The following SDR39U1 variants were observed in gnomAD, a reference collection of about 807,000 sequenced individuals.
SDR39U1 encodes the protein short chain dehydrogenase/reductase family 39U member 1, also known as epimerase family protein SDR39U1.
A neutral mutation model predicts 31.7 loss-of-function variants in SDR39U1; 29 were observed. The observed-to-expected ratio is 0.92, with a 90% CI of 0.68 to 1.25. The LOEUF (loss-of-function observed/expected upper bound fraction) is 1.25. Among genes scored for constraint, SDR39U1 ranks in the 50% most tolerant of loss-of-function variants. The pLI is 0.00. For synonymous variants in SDR39U1, 147 were observed against 159.0 expected, an observed-to-expected ratio of 0.92 and a Z score of 0.57; for missense variants, 403 against 378.4, an observed-to-expected ratio of 1.06 and a Z score of -0.54.
intron 4 of SDR39U1, 119 bp from the exon 5 acceptor site, chr14:24,441,045 G>C (rs1212306187): frequency 9.1e-7 from 1 of 1,093,152 alleles, no homozygotes; most frequent in Admixed American, 2.0e-5. Flanking sequence ...TTTGGAGACA[G>C]AGCCATTTGG....
rs2043328601 is a variant in SDR39U1 at position 24,441,201 on chromosome 14, C to G, written c.329-275G>C. 3.4e-5 allele frequency: 18 copies of G among 534,660 alleles called. No individual in the cohort carries two copies. The South Asian group carries it at 3.6e-4, about 11-fold the overall frequency. 33.1% of individuals were successfully genotyped at this position (534,660 alleles called of 1,614,324 possible). Reference sequence around the variant, plus strand: ...AGGCGCCTGAATTTTAATCAGCTCCCTCATTTATTAACTCTCTGACTTGAT... The same window carrying G: ...AGGCGCCTGAATTTTAATCAGCTCCGTCATTTATTAACTCTCTGACTTGAT... On this transcript the variant is annotated intron_variant, in intron 4 of 5. Coordinates refer to ENST00000399395, the MANE Select transcript of SDR39U1 (RefSeq NM_020195.3).
chr14:24,442,222 G>T lies in SDR39U1; in HGVS notation c.162C>A (p.Ala54=). 6.2e-7 allele frequency: 1 copy of T among 1,612,200 alleles called. No individual in the cohort carries two copies. The change falls in exon 3 of 6, where the codon GCC becomes GCA. Residue 54 remains alanine, a synonymous_variant. Coordinates refer to ENST00000399395, the MANE Select transcript of SDR39U1 (RefSeq NM_020195.3). ...TGTTCTCTCCGGCCAGGTTGACGGC[G>T]GCATCGCAGCTCGGCAGCCCCGATG... ...LAASGLPSCD[A]AVNLAGENIL... is the part of the protein sequence containing the mutation.
chr14:24,440,496 G>C lies in SDR39U1; in HGVS notation c.473-4C>G, dbSNP rs760878730. The stretch of plus-strand genomic sequence containing the variant: ...CCCCCACGGCCCAGCACAACCCCTA[G>C]AGCAGGAAAGAGGGAAGGTACAGGG... On this transcript the variant is annotated splice_region_variant and splice_polypyrimidine_tract_variant and intron_variant, in intron 5 of 5. Transcript: ENST00000399395. 15 of 1,597,766 alleles carry C rather than the reference G, an allele frequency of 9.4e-6. No individual in the cohort carries two copies. In the South Asian group the frequency reaches 1.5e-4, roughly 16 times the overall value.
intron 4 of SDR39U1, 80 bp from the exon 5 acceptor site, chr14:24,441,006 C>T (rs760048869): frequency 1.4e-6 from 2 of 1,453,160 alleles, no homozygotes; most frequent in South Asian, 2.3e-5. Flanking sequence ...CCCTTGGCCT[C>T]ACCTTCTCTG....
chr14:24,442,588 T>A lies in SDR39U1; in HGVS notation c.17-136A>T, dbSNP rs774321525. 2.5e-6 allele frequency: 3 copies of A among 1,212,998 alleles called. No homozygotes were observed. The Admixed American group carries it at 5.2e-5, about 21-fold the overall frequency. 75.1% of individuals were successfully genotyped at this position (1,212,998 alleles called of 1,614,324 possible). A position where few individuals can be genotyped will look rare whatever the true frequency, so the allele number is the denominator to read the frequency against. On this transcript the variant is annotated intron_variant, in intron 1 of 5. Transcript: ENST00000399395. ...TCCCCACTTATCCCCCTCCTCGCGA[T>A]GCAGAGGTGACACAGGTCACAGGGA...
rs758244174 is a variant in SDR39U1 at position 24,440,353 on chromosome 14, A to C, written c.612T>G (p.His204Gln). The part of the protein sequence containing the change: ...HIGDLAGILT[H>Q]ALEANHVHGV... ...CGTGCACGTGGTTTGCTTCAAGGGCATGGGTCAGGATTCCTGCCAGGTCCC... is the reference window on the plus strand; with the variant it reads ...CGTGCACGTGGTTTGCTTCAAGGGCCTGGGTCAGGATTCCTGCCAGGTCCC... Residue 204 changes from histidine (H) to glutamine (Q), a missense_variant, in exon 6 of 6, where the codon CAT (histidine) becomes CAG (glutamine). By Grantham distance (24) the His-to-Gln change is conservative. Transcript: ENST00000399395. The C allele has an allele frequency of 1.9e-6, 3 of 1,613,908 alleles. No homozygotes were observed. In the African/African-American group the frequency reaches 4.0e-5, roughly 22 times the overall value.
intron 1 of SDR39U1, 42 bp downstream of exon 1, chr14:24,442,712 G>C (rs369505095): frequency 6.2e-7 from 1 of 1,612,814 alleles, no homozygotes. Context: ...CTCAATCTCC[G>C]ACTAAGCCCG....
chr14:24,440,821 A>G lies in SDR39U1; in HGVS notation c.434T>C (p.Leu145Pro). 4 of 1,613,636 alleles carry G rather than the reference A, an allele frequency of 2.5e-6. No individual in the cohort carries two copies. Among genetic ancestry groups the G allele is most frequent in the Non-Finnish European group, 3.4e-6 (4 of 1,179,778 alleles). ...CACCTGGCGTGTAGAATCTCCAGGA[A>G]GCCTGGCTGCAGCTTCCCATTTGGT... Reference protein sequence around the residue: ...LVTKWEAAARLPGDSTRQVVV... With the variant: ...LVTKWEAAARPPGDSTRQVVV... The change falls in exon 5 of 6, where the codon CTT (leucine) becomes CCT (proline). Residue 145 changes from leucine (L) to proline (P), a missense_variant. Leu to Pro is a moderately conservative substitution (Grantham distance 98). Transcript: ENST00000399395.
At chr14:24,442,602 A>C in intron 1 of SDR39U1, 150 bp from the exon 2 acceptor site, 1 of 1,232,976 alleles carries the variant, frequency 8.1e-7, no homozygotes, top group Non-Finnish European at 1.2e-6. Flanking sequence ...GAGGTGACAC[A>C]GGTCACAGGG....
chr14:24,440,000 C>G lies in SDR39U1; in HGVS notation c.*83G>C, dbSNP rs1024586640. On this transcript the variant is annotated 3_prime_UTR_variant, in exon 6 of 6. Coordinates refer to ENST00000399395, the MANE Select transcript of SDR39U1 (RefSeq NM_020195.3). ...GAATCTAAGAACCAGATGGCTTCAG[C>G]TCTCTAGAGGAGCTGAGCCTATTCA... is the stretch of plus-strand genomic sequence containing the variant. The G allele has an allele frequency of 3.8e-5, 45 of 1,179,084 alleles. No homozygotes were observed. Among genetic ancestry groups the G allele is most frequent in the Non-Finnish European group, 5.3e-5 (45 of 848,672 alleles). The allele number at this position is 1,179,084 out of a possible 1,614,324, so 73.0% of individuals were successfully genotyped here.
rs369505095 is a variant in SDR39U1 at position 24,442,712 on chromosome 14, G to T, written c.16+42C>A. 5 of 1,612,696 alleles carry T rather than the reference G, an allele frequency of 3.1e-6. No individual in the cohort carries two copies. The African/African-American group carries it at 5.3e-5, about 17-fold the overall frequency. ...AGCGGATTCCCAGTCCTCAATCTCC[G>T]ACTAAGCCCGCCCAGCACTCTCCCT... On this transcript the variant is annotated intron_variant, in intron 1 of 5. Coordinates refer to ENST00000399395, the MANE Select transcript of SDR39U1 (RefSeq NM_020195.3).
rs548732126 is a variant in SDR39U1, at chr14:24,439,800, C to T, written c.*283G>A. On this transcript the variant is annotated 3_prime_UTR_variant, in exon 6 of 6. Coordinates refer to ENST00000399395, the MANE Select transcript of SDR39U1 (RefSeq NM_020195.3). ...CAATTTATTTTTATTGCCTAAACTGCAGAGCATTCTCTACACAGCGTAAAG... is the reference window on the plus strand; with the variant it reads ...CAATTTATTTTTATTGCCTAAACTGTAGAGCATTCTCTACACAGCGTAAAG... The T allele has an allele frequency of 3.1e-6, 1 of 318,792 alleles. No homozygotes were observed. Among genetic ancestry groups the T allele is most frequent in the Admixed American group, 4.8e-5 (1 of 20,948 alleles). The allele number at this position is 318,792 out of a possible 1,614,324, so 19.7% of individuals were successfully genotyped here.
At chr14:24,440,591 C>T in intron 5 of SDR39U1, 99 bp from the exon 6 acceptor site, 2 of 1,440,466 alleles carry the variant, frequency 1.4e-6, no homozygotes, top group Non-Finnish European at 1.9e-6. Flanking sequence ...TCTCCCCATG[C>T]TGACTTGGCT....
At position 24,439,975 on chromosome 14, in the gene SDR39U1, G is replaced by T; in HGVS notation, c.*108C>A. The T allele has an allele frequency of 1.2e-6, 1 of 846,718 alleles. No homozygotes were observed. The highest frequency in any genetic ancestry group is 1.8e-6 in the Non-Finnish European group (1 of 556,858). The allele number at this position is 846,718 out of a possible 1,614,324, so 52.5% of individuals were successfully genotyped here. On this transcript the variant is annotated 3_prime_UTR_variant, in exon 6 of 6. Transcript: ENST00000399395. ...ACAATGGGAAAGAGGACTGGGAGAGGAATCTAAGAACCAGATGGCTTCAGC... is the reference window on the plus strand; with the variant it reads ...ACAATGGGAAAGAGGACTGGGAGAGTAATCTAAGAACCAGATGGCTTCAGC...
In SDR39U1 at chr14:24,439,988, A is replaced by G; in HGVS notation, c.*95T>C. The G allele has an allele frequency of 9.9e-7, 1 of 1,008,052 alleles. No individual in the cohort carries two copies. The highest frequency in any genetic ancestry group is 1.4e-6 in the Non-Finnish European group (1 of 698,310). 62.4% of individuals were successfully genotyped at this position (1,008,052 alleles called of 1,614,324 possible). A position where few individuals can be genotyped will look rare whatever the true frequency, so the allele number is the denominator to read the frequency against. ...GGACTGGGAGAGGAATCTAAGAACC[A>G]GATGGCTTCAGCTCTCTAGAGGAGC... On this transcript the variant is annotated 3_prime_UTR_variant, in exon 6 of 6. Coordinates refer to ENST00000399395, the MANE Select transcript of SDR39U1 (RefSeq NM_020195.3).
rs755122658 is a variant in SDR39U1 at position 24,440,128 on chromosome 14, ATACTGG to A, written c.831_836del (p.Gln278_Tyr279del). 3 of 1,612,400 alleles carry A rather than the reference ATACTGG, an allele frequency of 1.9e-6. No homozygotes were observed. The Admixed American group carries it at 5.0e-5, about 27-fold the overall frequency. ...AGGCAGCCCCTAGCTCTGGGAAGGAATACTGGTAGCCAGTGGCCAGTGTTCGCTGTG... is the reference window on the plus strand; with the variant it reads ...AGGCAGCCCCTAGCTCTGGGAAGGAATAGCCAGTGGCCAGTGTTCGCTGTG... On this transcript the variant is annotated inframe_deletion, in exon 6 of 6. Coordinates refer to ENST00000399395, the MANE Select transcript of SDR39U1 (RefSeq NM_020195.3).
upstream of SDR39U1, chr14:24,442,800 G>A: frequency 1.2e-6 from 2 of 1,613,462 alleles, no homozygotes; most frequent in Non-Finnish European, 8.5e-7. Context: ...CCTGCGTAAA[G>A]TTTAGAGTTT....
rs777628776 is a variant in SDR39U1, at chr14:24,441,734, C to G, written c.268G>C (p.Ala90Pro). ...TGTGGGGCTTTGGTGATGGCTTTAG[C>G]CAGCAATTGGGTGGTCTCTAGGCGG... is the stretch of plus-strand genomic sequence containing the variant. ...GSRLETTQLL[A>P]KAITKAPQPP... is the part of the protein sequence containing the mutation. Residue 90 changes from alanine (A) to proline (P), a missense_variant, in exon 4 of 6, where the codon GCT (alanine) becomes CCT (proline). By Grantham distance (27) the Ala-to-Pro change is conservative. Coordinates refer to ENST00000399395, the MANE Select transcript of SDR39U1 (RefSeq NM_020195.3). The G allele has an allele frequency of 6.2e-7, 1 of 1,602,160 alleles. No homozygotes were observed.
chr14:24,442,820 C>G (rs2043395721), upstream of SDR39U1: 1 of 1,603,738 alleles, frequency 6.2e-7, no homozygotes, highest in Non-Finnish European at 8.5e-7. Context: ...TACCTCACCT[C>G]AGACGCGACT....
Sources: allele counts gnomAD v4.1 joint callset, GRCh38; gene constraint gnomAD v4.1.1; transcripts MANE v1.5; gene names NCBI Gene and HGNC (gene_info 2026-07-23, HGNC 2026-07-21).